The following CAPN8 variants were observed in gnomAD, a reference collection of about 807,000 sequenced individuals.
The protein encoded by CAPN8 is calpain-8.
A neutral mutation model predicts 80.9 loss-of-function variants in CAPN8; 87 were observed. That is an observed-to-expected ratio of 1.07 (90% CI 0.90 to 1.28). CAPN8 has a LOEUF of 1.28. Among genes scored for constraint, CAPN8 ranks in the 50% most tolerant of loss-of-function variants. The pLI is 0.00. For missense variants in CAPN8, 757 were observed against 702.0 expected, an observed-to-expected ratio of 1.08 and a Z score of -0.89; for synonymous variants, 299 against 273.8, an observed-to-expected ratio of 1.09 and a Z score of -0.91.
chr1:223,618,406 TC>T, intron 9 of CAPN8: 1 of 1,310,912 alleles, frequency 7.6e-7, no homozygotes, highest in African/African-American at 1.5e-5. Flanking sequence ...AGGGTCTGAG[TC>T]CCCATGACAC....
chr1:223,646,693 C>T (rs1416192899), intron 2 of CAPN8, among the ~76,000 whole-genome samples: 2 of 152,132 alleles, frequency 1.3e-5, no homozygotes. Context: ...GGGTACCCCT[C>T]GTAAGTCAGA....
chr1:223,618,347 GA>G, intron 9 of CAPN8: 1 of 1,546,802 alleles, frequency 6.5e-7, no homozygotes, highest in Admixed American at 2.0e-5. Flanking sequence ...ACCAGGTGAG[GA>G]CCCAGGGTTA....
chr1:223,545,221 AG>A lies in CAPN8; in HGVS notation c.1833+9del, dbSNP rs1233625963. ...AGAGGAGAGGATGCCCAGAAGGAAAAGAGAGTTACCAGATACTTCTGAATCT... is the reference window on the plus strand; with the variant it reads ...AGAGGAGAGGATGCCCAGAAGGAAAAAGAGTTACCAGATACTTCTGAATCT... On this transcript the variant is annotated intron_variant, in intron 17 of 20. Transcript: ENST00000366872. 12 of 1,551,558 alleles carry A rather than the reference AG, an allele frequency of 7.7e-6. No individual in the cohort carries two copies. The Admixed American group carries it at 2.4e-4, about 30-fold the overall frequency.
chr1:223,641,421 G>A (rs1386614402), intron 2 of CAPN8, among the ~76,000 whole-genome samples: 1 of 150,928 alleles, frequency 6.6e-6, no homozygotes, highest in Admixed American at 6.6e-5. Flanking sequence ...ACTTTCAGTG[G>A]TCCCTTTCCA....
chr1:223,660,412 C>T (rs1371049644), intron 1 of CAPN8, among the ~76,000 whole-genome samples: 1 of 152,178 alleles, frequency 6.6e-6, no homozygotes, highest in South Asian at 2.1e-4. Flanking sequence ...CATAGCCAAC[C>T]ATGCTGTTTG....
intron 10 of CAPN8, among the ~76,000 whole-genome samples, chr1:223,613,080 G>T (rs1657073879): frequency 6.6e-6 from 1 of 152,174 alleles, no homozygotes; most frequent in Non-Finnish European, 1.5e-5. Context: ...TAGAGAAGAG[G>T]ATTCAGACCC....
intron 13 of CAPN8, among the ~76,000 whole-genome samples, chr1:223,554,105 G>A (rs1656857110): frequency 6.6e-6 from 1 of 152,202 alleles, no homozygotes; most frequent in African/African-American, 2.4e-5. Context: ...GCAGGGATGA[G>A]CAGAGAGGCA....
At chr1:223,557,334 C>T (rs1333194360) in intron 13 of CAPN8, among the ~76,000 whole-genome samples, 1 of 10,526 alleles carries the variant, frequency 9.5e-5, no homozygotes, top group Admixed American at 9.3e-4. Flanking sequence ...ATGCCACGCC[C>T]AGCAGCTGGG....
rs778186774 is a variant in CAPN8, at chr1:223,620,246, A to G, written c.920T>C (p.Ile307Thr). Residue 307 changes from isoleucine (I) to threonine (T), a missense_variant, in exon 8 of 21, where the codon ATA (isoleucine) becomes ACA (threonine). Transcript: ENST00000366872. ...CAGTTCTTCCTTCCGCCGGGGGTCTATGTGATTCCACTCTGGTGCACTGAG... is the reference window on the plus strand; with the variant it reads ...CAGTTCTTCCTTCCGCCGGGGGTCTGTGTGATTCCACTCTGGTGCACTGAG... ...WSDDAPEWNH[I>T]DPRRKEELDK... 20 of 1,551,510 alleles carry G rather than the reference A, an allele frequency of 1.3e-5. No homozygotes were observed. The East Asian group carries it at 2.2e-4, about 17-fold the overall frequency.
At chr1:223,548,812 G>A (rs966204713) in intron 16 of CAPN8, among the ~76,000 whole-genome samples, 2 of 152,106 alleles carry the variant, frequency 1.3e-5, no homozygotes, top group African/African-American at 4.8e-5. Context: ...AGATCAGGGA[G>A]AACAAATAGA....
chr1:223,633,103 G>C (rs1180992815), intron 2 of CAPN8, among the ~76,000 whole-genome samples: 1 of 152,190 alleles, frequency 6.6e-6, no homozygotes, highest in East Asian at 1.9e-4. Flanking sequence ...GCCCTGGGCT[G>C]TCTGCCTCTA....
chr1:223,635,547 T>C (rs1657894289), intron 2 of CAPN8, among the ~76,000 whole-genome samples: 2 of 152,246 alleles, frequency 1.3e-5, no homozygotes, highest in African/African-American at 4.8e-5. Flanking sequence ...CAGCATAAAA[T>C]TCTTACTGAC....
intron 2 of CAPN8, among the ~76,000 whole-genome samples, chr1:223,632,015 G>A (rs1014678475): frequency 1.2e-4 from 8 of 67,954 alleles, no homozygotes; most frequent in African/African-American, 2.5e-4. Flanking sequence ...TTCAAGTCAC[G>A]GCAACAAAAT....
intron 2 of CAPN8, among the ~76,000 whole-genome samples, chr1:223,651,481 G>C (rs370465254): frequency 6.6e-6 from 1 of 152,286 alleles, no homozygotes; most frequent in African/African-American, 2.4e-5. Context: ...CTCTAAGTAA[G>C]CATAAGCTCT....
intron 2 of CAPN8, among the ~76,000 whole-genome samples, chr1:223,637,704 G>A (rs1308654251): frequency 6.6e-6 from 1 of 152,122 alleles, no homozygotes; most frequent in Non-Finnish European, 1.5e-5. Context: ...GCATCACCAT[G>A]TGCGGGGCCA....
At chr1:223,644,316 C>T (rs1031778958) in intron 2 of CAPN8, 2 of 215,782 alleles carry the variant, frequency 9.3e-6, no homozygotes, top group African/African-American at 4.6e-5. Flanking sequence ...TTGTAAGAAT[C>T]TGTAGGTGAG....
chr1:223,642,790 G>C (rs1394678630), intron 2 of CAPN8: 1 of 456,064 alleles, frequency 2.2e-6, no homozygotes, highest in African/African-American at 2.0e-5. Flanking sequence ...GTTCCTCCTA[G>C]TTGCTTCTGA....
At chr1:223,621,930 C>G (rs1237156978) in intron 7 of CAPN8, among the ~76,000 whole-genome samples, 1 of 151,906 alleles carries the variant, frequency 6.6e-6, no homozygotes, top group African/African-American at 2.4e-5. Flanking sequence ...AATCTCGGCT[C>G]ACTGCAACCT....
At chr1:223,543,454 C>T (rs1286895010) in intron 19 of CAPN8, among the ~76,000 whole-genome samples, 4 of 152,158 alleles carry the variant, frequency 2.6e-5, no homozygotes, top group Non-Finnish European at 4.4e-5. Flanking sequence ...ATATCAGAAA[C>T]GTGCAATTAC....
Sources: allele counts gnomAD v4.1 joint callset (sites outside exome capture counted in the v4.1 genomes callset), GRCh38; gene constraint gnomAD v4.1.1; transcripts MANE v1.5; gene names NCBI Gene and HGNC (gene_info 2026-07-23, HGNC 2026-07-21).